The following GRM7 variants were observed in gnomAD, a reference collection of about 807,000 sequenced individuals.
GRM7 encodes the protein glutamate metabotropic receptor 7.
Under a neutral mutation model 84.5 loss-of-function variants are expected in GRM7, and 35 were observed. The observed-to-expected ratio is 0.41, with a 90% CI of 0.32 to 0.55. The LOEUF (loss-of-function observed/expected upper bound fraction) is 0.55, where lower values mean the gene tolerates loss of function less well. Ranked by LOEUF, GRM7 falls within the 20% of genes least tolerant of loss-of-function variation. The probability of loss-of-function intolerance (pLI) is 0.19; values close to 1 mark genes in which losing one functional copy is unlikely to be tolerated. For missense variants in GRM7, 1,003 were observed against 1,194.6 expected, an observed-to-expected ratio of 0.84 and a Z score of 2.36; for synonymous variants, 487 against 455.1, an observed-to-expected ratio of 1.07 and a Z score of -0.89.
At chr3:7,529,072 C>G (rs893257706) in intron 7 of GRM7, among the ~76,000 whole-genome samples, 1 of 151,936 alleles carries the variant, frequency 6.6e-6, no homozygotes, top group Non-Finnish European at 1.5e-5. Context: ...TGTTAGTTTT[C>G]TGCCTTGATC....
chr3:7,170,305 A>G (rs1365500729), intron 2 of GRM7, among the ~76,000 whole-genome samples: 1 of 152,188 alleles, frequency 6.6e-6, no homozygotes, highest in Non-Finnish European at 1.5e-5. Context: ...TTTTCCAGAA[A>G]CAATGCCCCA....
intron 2 of GRM7, among the ~76,000 whole-genome samples, chr3:7,202,872 G>A (rs1209618316): frequency 6.6e-6 from 1 of 152,076 alleles, no homozygotes; most frequent in East Asian, 1.9e-4. Flanking sequence ...TTGTCTAAAA[G>A]CCCACCAGCA....
intron 8 of GRM7, among the ~76,000 whole-genome samples, chr3:7,601,286 A>C (rs2125070698): frequency 6.6e-6 from 1 of 152,234 alleles, no homozygotes; most frequent in South Asian, 2.1e-4. Flanking sequence ...ATGCATCCAA[A>C]GGCATTCTAA....
intron 7 of GRM7, among the ~76,000 whole-genome samples, chr3:7,503,332 G>A (rs1019810574): frequency 2.0e-5 from 3 of 152,048 alleles, no homozygotes; most frequent in African/African-American, 7.2e-5. Flanking sequence ...TCCAGGGAAT[G>A]GCTCTTTTCT....
At chr3:7,000,379 A>T (rs111687100) in intron 1 of GRM7, among the ~76,000 whole-genome samples, 7 of 151,734 alleles carry the variant, frequency 4.6e-5, no homozygotes, top group African/African-American at 1.5e-4. Flanking sequence ...TAGAGACAGG[A>T]TTTCACCACA....
chr3:7,701,415 C>G (rs1210238482), intron 9 of GRM7, among the ~76,000 whole-genome samples: 3 of 151,724 alleles, frequency 2.0e-5, no homozygotes, highest in African/African-American at 7.3e-5. Context: ...ATTCTCCTGC[C>G]TCAGCCTCCT....
At chr3:7,345,923 G>A (rs1347083327) in intron 4 of GRM7, among the ~76,000 whole-genome samples, 1 of 152,012 alleles carries the variant, frequency 6.6e-6, no homozygotes, top group Non-Finnish European at 1.5e-5. Flanking sequence ...TTCAAGCAGA[G>A]TATAAAGACG....
chr3:7,097,093 T>A (rs753999598), intron 1 of GRM7, among the ~76,000 whole-genome samples: 10 of 152,140 alleles, frequency 6.6e-5, no homozygotes, highest in Non-Finnish European at 1.3e-4. Context: ...CACTTTTCTG[T>A]TGACATTGAA....
rs138893113 is a variant in GRM7, at chr3:7,621,234, C to T, written c.2451+41877C>T. 6.6e-4 allele frequency among the ~76,000 whole-genome samples: 101 copies of T among 152,180 alleles called. 1 individual carries two copies. Among genetic ancestry groups the T allele is most frequent in the African/African-American group, 2.1e-3 (88 of 41,538 alleles). On this transcript the variant is annotated intron_variant, in intron 8 of 9. Coordinates refer to ENST00000357716, the MANE Select transcript of GRM7 (RefSeq NM_000844.4). ...AGCTACACATTACATTCCAAAGTGA[C>T]CAAATCTCAATTTAGCAATAACCGT...
chr3:6,917,314 A>C (rs1696974171), intron 1 of GRM7, among the ~76,000 whole-genome samples: 1 of 152,122 alleles, frequency 6.6e-6, no homozygotes, highest in Non-Finnish European at 1.5e-5. Context: ...GTGAATGTTG[A>C]CTGTAGATTT....
chr3:7,341,413 T>G (rs1041020811), intron 4 of GRM7, among the ~76,000 whole-genome samples: 5 of 151,958 alleles, frequency 3.3e-5, no homozygotes, highest in African/African-American at 1.2e-4. Context: ...ATTCAATGTT[T>G]GTTGAATAAA....
chr3:7,576,547 AT>A (rs1328184687), intron 7 of GRM7, among the ~76,000 whole-genome samples: 1 of 152,222 alleles, frequency 6.6e-6, no homozygotes, highest in Non-Finnish European at 1.5e-5. Flanking sequence ...TCTGCTATGC[AT>A]TTCATTCAGT....
intron 2 of GRM7, among the ~76,000 whole-genome samples, chr3:7,256,761 G>T (rs1014546111): frequency 4.6e-5 from 7 of 152,118 alleles, no homozygotes; most frequent in African/African-American, 1.7e-4. Flanking sequence ...TAAGTATGGT[G>T]TATATCCTGG....
intron 5 of GRM7, among the ~76,000 whole-genome samples, chr3:7,415,582 A>G (rs906654642): frequency 1.3e-5 from 2 of 152,146 alleles, no homozygotes; most frequent in African/African-American, 2.4e-5. Context: ...TGAAAATCCA[A>G]ATGATTTTCA....
chr3:7,476,572 G>T (rs1698930121), intron 7 of GRM7, among the ~76,000 whole-genome samples: 1 of 152,026 alleles, frequency 6.6e-6, no homozygotes, highest in Non-Finnish European at 1.5e-5. Flanking sequence ...TTTAAAAAAA[G>T]AAAAGTGACT....
chr3:7,676,284 C>T (rs1700118333), intron 8 of GRM7, among the ~76,000 whole-genome samples: 1 of 152,034 alleles, frequency 6.6e-6, no homozygotes, highest in Non-Finnish European at 1.5e-5. Flanking sequence ...AGTCAGTAGC[C>T]TAGCTTCCCT....
At chr3:7,422,283 A>G (rs1696428791) in intron 5 of GRM7, among the ~76,000 whole-genome samples, 1 of 152,214 alleles carries the variant, frequency 6.6e-6, no homozygotes, top group African/African-American at 2.4e-5. Context: ...AAACAAATGG[A>G]CAATAAACAA....
In GRM7 at chr3:6,868,202, T is replaced by G. The variant is rs530070982; in HGVS notation, c.519+6295T>G. On this transcript the variant is annotated intron_variant, in intron 1 of 9. Transcript: ENST00000357716. ...GTGATTCTCATAGCCCAAAGTCACA[T>G]AGCTGGTAAGTGGCAAAGTCTGGAT... Among the ~76,000 whole-genome samples the G allele has an allele frequency of 7.2e-5, 11 of 152,304 alleles. No homozygotes were observed. The East Asian group carries it at 1.2e-3, about 16-fold the overall frequency.
Position 7,146,479 on chromosome 3 carries a change from G to A in GRM7, c.547G>A (p.Ala183Thr). ...CCCCCAGATTAGTTATGCATCAACG[G>A]CACCCGAGCTAAGTGATGACCGGCG... is the stretch of plus-strand genomic sequence containing the variant. ...QIPQISYAST[A>T]PELSDDRRYD... The change falls in exon 2 of 10, where the codon GCA becomes ACA. Residue 183 changes from alanine (A) to threonine (T), a missense_variant. Ala to Thr is a moderately conservative substitution (Grantham distance 58). Around this residue, in one of 2 missense-constraint regions of GRM7, gnomAD observed 910 missense variants for 1,126.0 expected, o/e 0.81. Coordinates refer to ENST00000357716, the MANE Select transcript of GRM7 (RefSeq NM_000844.4). 2 of 1,613,488 alleles carry A rather than the reference G, an allele frequency of 1.2e-6. No homozygotes were observed. The highest frequency in any genetic ancestry group is 1.7e-6 in the Non-Finnish European group (2 of 1,179,798).
Sources: gnomAD v4.1 joint callset for allele counts (sites outside exome capture counted in the v4.1 genomes callset) on GRCh38, gnomAD v4.1.1 for gene constraint, gnomAD v4.1.1 regional missense constraint, MANE v1.5 for transcripts, NCBI Gene and HGNC (gene_info 2026-07-23, HGNC 2026-07-21) for gene names.